Variants in GALNTL6 observed in about 807,000 individuals in gnomAD.
The protein encoded by GALNTL6 is polypeptide N-acetylgalactosaminyltransferase like 6.
A neutral mutation model predicts 73.7 loss-of-function variants in GALNTL6; 46 were observed. That is an observed-to-expected ratio of 0.62 (90% CI 0.49 to 0.80). The LOEUF (loss-of-function observed/expected upper bound fraction) is 0.80. GALNTL6 is among the 30% of genes least tolerant of loss of function. The pLI is 0.00. For missense variants in GALNTL6, 604 were observed against 755.0 expected, an observed-to-expected ratio of 0.80 and a Z score of 2.34; for synonymous variants, 259 against 263.7, an observed-to-expected ratio of 0.98 and a Z score of 0.17.
intron 5 of GALNTL6, among the ~76,000 whole-genome samples, chr4:172,389,939 G>C (rs1459175932): frequency 6.6e-6 from 1 of 151,960 alleles, no homozygotes; most frequent in African/African-American, 2.4e-5. Flanking sequence ...ATACCTTTAT[G>C]TTCCCATTTG....
chr4:172,343,460 A>G (rs960541018), intron 4 of GALNTL6, among the ~76,000 whole-genome samples: 1 of 152,198 alleles, frequency 6.6e-6, no homozygotes. Flanking sequence ...TAAGTCACTG[A>G]TAAGTCTGGT....
At chr4:172,501,988 T>G (rs1734277088) in intron 5 of GALNTL6, among the ~76,000 whole-genome samples, 1 of 152,186 alleles carries the variant, frequency 6.6e-6, no homozygotes, top group Non-Finnish European at 1.5e-5. Context: ...ATACATTTCC[T>G]ACTGCAAAGA....
intron 5 of GALNTL6, among the ~76,000 whole-genome samples, chr4:172,474,173 A>G (rs977521806): frequency 3.9e-5 from 6 of 151,920 alleles, no homozygotes; most frequent in East Asian, 3.9e-4. Flanking sequence ...CTTTTCTCAG[A>G]TATTTGCTTG....
chr4:172,889,820 A>C (rs1745930480), intron 8 of GALNTL6, among the ~76,000 whole-genome samples: 2 of 152,136 alleles, frequency 1.3e-5, no homozygotes, highest in South Asian at 4.1e-4. Context: ...GAATAATTTT[A>C]GTAGAATTGG....
At chr4:172,153,678 A>G (rs558752231) in intron 2 of GALNTL6, among the ~76,000 whole-genome samples, 1 of 152,336 alleles carries the variant, frequency 6.6e-6, no homozygotes, top group African/African-American at 2.4e-5. Flanking sequence ...TGTCTACTAG[A>G]TATTGTTCTC....
chr4:172,082,083 T>C (rs1158371750), intron 2 of GALNTL6, among the ~76,000 whole-genome samples: 1 of 151,964 alleles, frequency 6.6e-6, no homozygotes, highest in Admixed American at 6.6e-5. Flanking sequence ...CACCATGCTA[T>C]CCAGGCTGGT....
chr4:172,542,520 T>C (rs1487321279), intron 5 of GALNTL6, among the ~76,000 whole-genome samples: 21 of 152,174 alleles, frequency 1.4e-4, no homozygotes, highest in Admixed American at 1.4e-3. Flanking sequence ...TTAACTCTTG[T>C]ATCATCAGGA....
intron 2 of GALNTL6, among the ~76,000 whole-genome samples, chr4:172,174,465 T>C (rs962503267): frequency 6.6e-6 from 1 of 152,204 alleles, no homozygotes; most frequent in Non-Finnish European, 1.5e-5. Context: ...CTGGGCACAC[T>C]GTGCTTTGTT....
intron 5 of GALNTL6, among the ~76,000 whole-genome samples, chr4:172,502,104 C>T (rs929746791): frequency 6.6e-6 from 1 of 152,166 alleles, no homozygotes; most frequent in Non-Finnish European, 1.5e-5. Context: ...AAATCGCATA[C>T]ATACTCCTTC....
chr4:172,265,249 T>A (rs973756765), intron 3 of GALNTL6, among the ~76,000 whole-genome samples: 2 of 151,952 alleles, frequency 1.3e-5, no homozygotes, highest in African/African-American at 4.8e-5. Flanking sequence ...CAGAGACGTA[T>A]TACAAAGTAA....
At chr4:172,121,257 TTGTGTG>T (rs375731048) in intron 2 of GALNTL6, among the ~76,000 whole-genome samples, 53,912 of 142,234 alleles carry the variant, frequency 0.38, 10,025 homozygotes, top group Admixed American at 0.41. Context: ...TCAAGAAGCA[TTGTGTG>T]TGTGTGTGTG....
In GALNTL6 at chr4:172,682,861, GA is replaced by G. The variant is rs528385755; in HGVS notation, c.554-126491del. Among the ~76,000 whole-genome samples, 692 of 150,988 alleles carry G rather than the reference GA, an allele frequency of 4.6e-3. 8 individuals are homozygous for G. The highest frequency in any genetic ancestry group is 0.013 in the African/African-American group (555 of 41,134). ...CCATGAGCTAAGGGGAAAAAAATTA[GA>G]AAAAAAAATCTGAGCCACTCTTGTG... On this transcript the variant is annotated intron_variant, in intron 5 of 12. Coordinates refer to ENST00000506823, the MANE Select transcript of GALNTL6 (RefSeq NM_001034845.3).
chr4:172,174,017 G>C (rs1354470076), intron 2 of GALNTL6, among the ~76,000 whole-genome samples: 1 of 152,194 alleles, frequency 6.6e-6, no homozygotes, highest in East Asian at 1.9e-4. Flanking sequence ...AGGATTTTAA[G>C]CAGGAAAATA....
intron 8 of GALNTL6, among the ~76,000 whole-genome samples, chr4:172,924,477 AAG>A (rs1156283328): frequency 1.3e-5 from 2 of 152,232 alleles, no homozygotes; most frequent in Non-Finnish European, 2.9e-5. Context: ...AAGTATATGA[AAG>A]AGAAGCACAG....
At chr4:172,408,176 T>C (rs947243426) in intron 5 of GALNTL6, among the ~76,000 whole-genome samples, 1 of 152,082 alleles carries the variant, frequency 6.6e-6, no homozygotes, top group African/African-American at 2.4e-5. Context: ...TCATAAGATA[T>C]TATTATGTGA....
In GALNTL6 at chr4:172,856,847, G is replaced by A. The variant is rs9994533; in HGVS notation, c.924-25943G>A. Among the ~76,000 whole-genome samples the A allele has an allele frequency of 3.7e-3, 561 of 152,228 alleles. 3 individuals carry two copies. Among genetic ancestry groups the A allele is most frequent in the African/African-American group, 0.012 (515 of 41,526 alleles). ...CACTGTGCCTCTGGTGCAGGCAAGG[G>A]GGAATCTAATTTCATTACAGTTAAG... On this transcript the variant is annotated intron_variant, in intron 7 of 12. Transcript: ENST00000506823.
chr4:172,080,680 T>C (rs13136240), intron 2 of GALNTL6, among the ~76,000 whole-genome samples: 72,523 of 151,294 alleles, frequency 0.48, 17,777 homozygotes, highest in Admixed American at 0.51. Flanking sequence ...AATGCATAGG[T>C]CATACAGTTT....
chr4:171,908,446 G>C (rs1737367565), intron 2 of GALNTL6, among the ~76,000 whole-genome samples: 1 of 152,112 alleles, frequency 6.6e-6, no homozygotes. Flanking sequence ...ACCACAGTGA[G>C]ATACCATCTC....
intron 2 of GALNTL6, among the ~76,000 whole-genome samples, chr4:171,908,663 T>C (rs1354564810): frequency 6.6e-6 from 1 of 150,874 alleles, no homozygotes; most frequent in Non-Finnish European, 1.5e-5. Flanking sequence ...CAAAGGACTA[T>C]AAATCATGCT....
Sources: allele counts gnomAD v4.1 joint callset (sites outside exome capture counted in the v4.1 genomes callset), GRCh38; gene constraint gnomAD v4.1.1; transcripts MANE v1.5; gene names NCBI Gene and HGNC (gene_info 2026-07-23, HGNC 2026-07-21).